Variants in CHORDC1 observed in about 807,000 individuals in gnomAD.
CHORDC1 encodes cysteine and histidine rich domain containing 1.
CHORDC1 carries 25 observed loss-of-function variants against 48.3 expected under a neutral mutation model. The observed-to-expected ratio is 0.52, with a 90% CI of 0.38 to 0.72. The LOEUF is 0.72. CHORDC1 is among the 30% of genes least tolerant of loss of function. The pLI is 0.00. For missense variants in CHORDC1, 317 were observed against 388.7 expected (o/e 0.82, Z 1.55); for synonymous variants, 128 against 126.4 (o/e 1.01, Z -0.09).
At chr11:90,211,115 C>A in intron 5 of CHORDC1, 100 bp downstream of exon 5, 1 of 766,956 alleles carries the variant, frequency 1.3e-6, no homozygotes, top group Non-Finnish European at 2.1e-6. Context: ...CAATGTGCGA[C>A]TTTTCCCTAT....
chr11:90,221,210 G>A (rs1199150265), intron 1 of CHORDC1, among the ~76,000 whole-genome samples: 3 of 152,200 alleles, frequency 2.0e-5, no homozygotes, highest in East Asian at 3.9e-4. Flanking sequence ...TCTGTCAACT[G>A]TACAAGGTCA....
intron 6 of CHORDC1, 94 bp downstream of exon 6, chr11:90,210,442 C>T (rs1857828229): frequency 1.4e-6 from 1 of 736,840 alleles, no homozygotes; most frequent in Non-Finnish European, 2.4e-6. Flanking sequence ...ATATAATATG[C>T]ATGCAAATGT....
At chr11:90,209,314 T>C (rs1857793638) in intron 6 of CHORDC1, 1 of 152,170 alleles carries the variant, frequency 6.6e-6, no homozygotes, top group Non-Finnish European at 1.5e-5. Context: ...ATCGAATCCA[T>C]TAGCAAATCC....
chr11:90,219,134 T>A (rs1416642272), intron 1 of CHORDC1, among the ~76,000 whole-genome samples: 1 of 151,920 alleles, frequency 6.6e-6, no homozygotes, highest in Non-Finnish European at 1.5e-5. Flanking sequence ...GGCGTGGTAG[T>A]GCATGCCTGT....
intron 8 of CHORDC1, among the ~76,000 whole-genome samples, chr11:90,203,830 C>T (rs573535070): frequency 6.6e-6 from 1 of 152,096 alleles, no homozygotes; most frequent in Non-Finnish European, 1.5e-5. Flanking sequence ...TCAGACAACA[C>T]CTTAACCTCA....
chr11:90,218,103 A>C lies in CHORDC1; in HGVS notation c.114+32T>G, dbSNP rs538418956. 8 of 1,452,318 alleles carry C rather than the reference A, an allele frequency of 5.5e-6. No individual in the cohort carries two copies. In the South Asian group the frequency reaches 1.0e-4, roughly 19 times the overall value. The allele number at this position is 1,452,318 out of a possible 1,614,324, so 90.0% of individuals were successfully genotyped here. A position where few individuals can be genotyped will look rare whatever the true frequency, so the allele number is the denominator to read the frequency against. The stretch of plus-strand genomic sequence containing the variant: ...TATTACATCTCTCAATTTACTACAC[A>C]GATATGAAAAAAATGAAAATATAGT... On this transcript the variant is annotated intron_variant, in intron 2 of 10. Coordinates refer to ENST00000320585, the MANE Select transcript of CHORDC1 (RefSeq NM_012124.3).
chr11:90,203,345 A>C lies in CHORDC1; in HGVS notation c.752T>G (p.Leu251Arg), dbSNP rs772036983. ...VTISVYAKNS[L>R]PELSRVEANS... The stretch of plus-strand genomic sequence containing the variant: ...TGCTTCTACTCGGCTAAGTTCTGGA[A>C]GTGAGTTTTTAGCATATACTGAAAT... Residue 251 changes from leucine (L) to arginine (R), a missense_variant, in exon 9 of 11, where the codon CTT (leucine) becomes CGT (arginine). Coordinates refer to ENST00000320585, the MANE Select transcript of CHORDC1 (RefSeq NM_012124.3). The C allele has an allele frequency of 3.1e-6, 5 of 1,599,862 alleles. No homozygotes were observed. In the South Asian group the frequency reaches 5.6e-5, roughly 18 times the overall value.
rs1365789048 is a variant in CHORDC1, at chr11:90,205,509, G to A, written c.620C>T (p.Ala207Val). 2 of 1,604,250 alleles carry A rather than the reference G, an allele frequency of 1.2e-6. No individual in the cohort carries two copies. The highest frequency in any genetic ancestry group is 1.3e-5 in the African/African-American group (1 of 74,204). Residue 207 changes from alanine (A) to valine (V), a missense_variant, in exon 8 of 11, where the codon GCC (alanine) becomes GTC (valine). Coordinates refer to ENST00000320585, the MANE Select transcript of CHORDC1 (RefSeq NM_012124.3). The part of the protein sequence containing the change: ...RKTSDFNTFL[A>V]QEGCTKGKHM... ...TTTCCCTTTTGTACAGCCCTCTTGG[G>A]CTAAGAATGTATTAAAATCAGAAGT...
intron 2 of CHORDC1, 66 bp downstream of exon 2, chr11:90,218,069 A>G: frequency 2.6e-6 from 3 of 1,164,310 alleles, no homozygotes; most frequent in Non-Finnish European, 3.6e-6. Flanking sequence ...TGAGAAAATA[A>G]AGATTTAGTA....
At chr11:90,219,231 T>C (rs574837719) in intron 1 of CHORDC1, among the ~76,000 whole-genome samples, 1 of 152,020 alleles carries the variant, frequency 6.6e-6, no homozygotes, top group South Asian at 2.1e-4. Context: ...GCCACCGCAC[T>C]ACAGCCTAGG....
intron 4 of CHORDC1, chr11:90,212,557 T>C (rs567666434): frequency 6.6e-6 from 1 of 152,208 alleles, no homozygotes; most frequent in East Asian, 1.9e-4. Flanking sequence ...TGCAGTGAGC[T>C]ATAATGCCAC....
chr11:90,206,169 A>G (rs1857676334), intron 7 of CHORDC1, 33 bp downstream of exon 7: 1 of 1,237,352 alleles, frequency 8.1e-7, no homozygotes, highest in Non-Finnish European at 1.2e-6. Flanking sequence ...AAATTCTACC[A>G]TAAACTATTT....
At chr11:90,218,112 A>T (rs1182986874) in intron 2 of CHORDC1, 23 bp downstream of exon 2, 6 of 1,525,218 alleles carry the variant, frequency 3.9e-6, no homozygotes, top group Non-Finnish European at 5.3e-6. Flanking sequence ...CAGATATGAA[A>T]AAAATGAAAA....
Position 90,202,733 on chromosome 11 carries a change from G to A in CHORDC1, c.852+80C>T, listed in dbSNP as rs529021718. The A allele has an allele frequency of 6.6e-5, 97 of 1,479,498 alleles. 1 individual carries two copies. In the South Asian group the frequency reaches 1.2e-3, roughly 18 times the overall value. 91.6% of individuals were successfully genotyped at this position (1,479,498 alleles called of 1,614,324 possible). A position where few individuals can be genotyped will look rare whatever the true frequency, so the allele number is the denominator to read the frequency against. ...TTATACATCTATACTTTGCATCAAT[G>A]TTTACTGAAGAATTGTCTTTTATTC... On this transcript the variant is annotated intron_variant, in intron 10 of 10. Coordinates refer to ENST00000320585, the MANE Select transcript of CHORDC1 (RefSeq NM_012124.3).
intron 6 of CHORDC1, chr11:90,206,748 CTA>C (rs755795318): frequency 3.0e-5 from 38 of 1,273,440 alleles, no homozygotes; most frequent in Non-Finnish European, 3.5e-5. Flanking sequence ...AGCTGCAGAC[CTA>C]TATATATATC....
chr11:90,210,254 G>C (rs577634325), intron 6 of CHORDC1, among the ~76,000 whole-genome samples: 2 of 152,228 alleles, frequency 1.3e-5, no homozygotes, highest in South Asian at 2.1e-4. Flanking sequence ...CATAAGAAAA[G>C]AAATGTTTGC....
intron 5 of CHORDC1, 105 bp downstream of exon 5, chr11:90,211,110 T>C: frequency 1.4e-6 from 1 of 705,788 alleles, no homozygotes; most frequent in South Asian, 2.0e-5. Context: ...AACTACAATG[T>C]GCGACTTTTC....
intron 8 of CHORDC1, among the ~76,000 whole-genome samples, chr11:90,204,587 G>A (rs1044406918): frequency 2.0e-5 from 3 of 152,122 alleles, no homozygotes; most frequent in East Asian, 3.9e-4. Flanking sequence ...TGGGCGTGGT[G>A]GTACGCACCT....
chr11:90,204,389 T>C (rs1321214688), intron 8 of CHORDC1, among the ~76,000 whole-genome samples: 2 of 152,094 alleles, frequency 1.3e-5, no homozygotes, highest in Non-Finnish European at 2.9e-5. Flanking sequence ...TTTTTATAAC[T>C]TCAGGGTATT....
Sources: gnomAD v4.1 joint callset for allele counts (sites outside exome capture counted in the v4.1 genomes callset) on GRCh38, gnomAD v4.1.1 for gene constraint, MANE v1.5 for transcripts, NCBI Gene and HGNC (gene_info 2026-07-23, HGNC 2026-07-21) for gene names.